The following PLCB1 variants were observed in gnomAD, a reference collection of about 807,000 sequenced individuals.
PLCB1 encodes the protein 1-phosphatidylinositol 4,5-bisphosphate phosphodiesterase beta-1.
PLCB1 carries 46 observed loss-of-function variants against 161.8 expected under a neutral mutation model. The observed-to-expected ratio is 0.28, with a 90% CI of 0.22 to 0.36. The LOEUF (loss-of-function observed/expected upper bound fraction) is 0.36. PLCB1 is among the 10% of genes least tolerant of loss of function. PLCB1 has a pLI of 1.00. For missense variants in PLCB1, 1,016 were observed against 1,472.5 expected (o/e 0.69, Z 5.07); for synonymous variants, 517 against 503.7 (o/e 1.03, Z -0.35).
chr20:8,566,212 C>G (rs187069298), intron 3 of PLCB1, among the ~76,000 whole-genome samples: 5 of 152,296 alleles, frequency 3.3e-5, no homozygotes, highest in African/African-American at 1.2e-4. Flanking sequence ...ATTGTGCTTA[C>G]TTCAGATGAA....
intron 3 of PLCB1, among the ~76,000 whole-genome samples, chr20:8,624,786 T>C (rs1362131686): frequency 6.6e-6 from 1 of 152,210 alleles, no homozygotes; most frequent in Non-Finnish European, 1.5e-5. Flanking sequence ...TGAATTTACT[T>C]AGTCAGACAG....
At chr20:8,569,519 CA>C (rs1342535299) in intron 3 of PLCB1, among the ~76,000 whole-genome samples, 4 of 152,030 alleles carry the variant, frequency 2.6e-5, no homozygotes, top group Non-Finnish European at 5.9e-5. Context: ...AATCAATGTT[CA>C]CATACACTGA....
chr20:8,555,600 T>C (rs1985925897), intron 3 of PLCB1, among the ~76,000 whole-genome samples: 1 of 152,132 alleles, frequency 6.6e-6, no homozygotes, highest in Non-Finnish European at 1.5e-5. Flanking sequence ...CCTATAAATA[T>C]CTACCTCTCT....
intron 9 of PLCB1, among the ~76,000 whole-genome samples, chr20:8,677,742 A>T (rs990727222): frequency 2.6e-5 from 4 of 151,110 alleles, no homozygotes; most frequent in East Asian, 1.9e-4. Context: ...AAAATCTTTT[A>T]AAAAAAAATC....
intron 2 of PLCB1, among the ~76,000 whole-genome samples, chr20:8,194,154 G>A (rs759540132): frequency 2.6e-5 from 4 of 151,986 alleles, no homozygotes; most frequent in Non-Finnish European, 5.9e-5. Flanking sequence ...GTGTTGATTA[G>A]GCATTGGAGT....
intron 3 of PLCB1, among the ~76,000 whole-genome samples, chr20:8,613,788 A>G (rs1027920246): frequency 2.0e-5 from 3 of 152,144 alleles, no homozygotes; most frequent in Admixed American, 6.5e-5. Context: ...GAATATTTTT[A>G]TAATCTCAAG....
At chr20:8,343,483 T>G (rs1485346453) in intron 2 of PLCB1, among the ~76,000 whole-genome samples, 1 of 152,224 alleles carries the variant, frequency 6.6e-6, no homozygotes, top group Non-Finnish European at 1.5e-5. Context: ...CATCCTAGAT[T>G]ATTGTAGTAG....
chr20:8,802,113 C>T (rs1415283122), intron 31 of PLCB1: 1 of 1,611,196 alleles, frequency 6.2e-7, no homozygotes, highest in Non-Finnish European at 8.5e-7. Flanking sequence ...CTCTGTTTCC[C>T]CCAACTTTAC....
intron 26 of PLCB1, among the ~76,000 whole-genome samples, chr20:8,768,894 C>T (rs908539594): frequency 9.2e-5 from 14 of 152,266 alleles, no homozygotes; most frequent in African/African-American, 3.1e-4. Context: ...GTTAACTATC[C>T]CTAATGTTAG....
intron 2 of PLCB1, among the ~76,000 whole-genome samples, chr20:8,200,072 A>ATT (rs1402967631): frequency 1.3e-5 from 2 of 151,998 alleles, no homozygotes; most frequent in African/African-American, 4.8e-5. Context: ...TTTATTCCGG[A>ATT]TATTAATTCA....
chr20:8,170,881 A>G (rs1568577088), intron 2 of PLCB1, among the ~76,000 whole-genome samples: 1 of 152,192 alleles, frequency 6.6e-6, no homozygotes, highest in Non-Finnish European at 1.5e-5. Flanking sequence ...TTAGTTGACC[A>G]TCTGATTATG....
chr20:8,307,333 G>A (rs1297631128), intron 2 of PLCB1, among the ~76,000 whole-genome samples: 1 of 152,110 alleles, frequency 6.6e-6, no homozygotes. Context: ...TTCTCTCTCT[G>A]GTGTCAGCTT....
chr20:8,239,725 A>G (rs1042595059), intron 2 of PLCB1, among the ~76,000 whole-genome samples: 2 of 151,952 alleles, frequency 1.3e-5, no homozygotes, highest in Non-Finnish European at 2.9e-5. Context: ...GATCCTTTTT[A>G]TTAAACACAA....
intron 2 of PLCB1, among the ~76,000 whole-genome samples, chr20:8,255,900 A>G (rs969783842): frequency 1.3e-5 from 2 of 152,094 alleles, no homozygotes; most frequent in African/African-American, 2.4e-5. Context: ...TTATAAGATT[A>G]TAATATCAAA....
intron 2 of PLCB1, among the ~76,000 whole-genome samples, chr20:8,338,440 A>T (rs1299236345): frequency 6.6e-6 from 1 of 152,214 alleles, no homozygotes; most frequent in Admixed American, 6.5e-5. Context: ...ATTGTTAAAT[A>T]GAAAGGGCAC....
chr20:8,742,625 T>A (rs1016949773), intron 23 of PLCB1, among the ~76,000 whole-genome samples: 2 of 152,186 alleles, frequency 1.3e-5, no homozygotes, highest in Admixed American at 1.3e-4. Context: ...TACTCTTTCA[T>A]AAAATGGGAT....
chr20:8,557,192 C>T (rs529472068), intron 3 of PLCB1, among the ~76,000 whole-genome samples: 70 of 151,500 alleles, frequency 4.6e-4, no homozygotes, highest in South Asian at 2.9e-3. Flanking sequence ...AGTTCACTTC[C>T]GGGTATATAT....
chr20:8,170,345 C>A (rs1454771068), intron 2 of PLCB1, among the ~76,000 whole-genome samples: 1 of 151,738 alleles, frequency 6.6e-6, no homozygotes, highest in Non-Finnish European at 1.5e-5. Context: ...ATGTCATAAA[C>A]TCTATTTAAA....
intron 10 of PLCB1, among the ~76,000 whole-genome samples, chr20:8,687,733 G>A (rs1174132537): frequency 6.6e-6 from 1 of 152,160 alleles, no homozygotes; most frequent in African/African-American, 2.4e-5. Flanking sequence ...TCTACTCATT[G>A]ACTGATGGGC....
Sources: gnomAD v4.1 joint callset for allele counts (sites outside exome capture counted in the v4.1 genomes callset) on GRCh38, gnomAD v4.1.1 for gene constraint, MANE v1.5 for transcripts, NCBI Gene and HGNC (gene_info 2026-07-23, HGNC 2026-07-21) for gene names.